The following SNAPC4 variants were observed in gnomAD, a reference collection of about 807,000 sequenced individuals.
The protein encoded by SNAPC4 is snRNA-activating protein complex subunit 4.
In SNAPC4, 127 loss-of-function variants were observed where a neutral mutation model predicts 151.3. The ratio of observed to expected loss-of-function variants is 0.84; its 90% CI spans 0.73 to 0.97. SNAPC4 has a LOEUF of 0.97. Ranked by LOEUF, SNAPC4 falls within the 50% of genes least tolerant of loss-of-function variation. The pLI is 0.00. For missense variants in SNAPC4, 2,186 were observed against 1,935.0 expected (o/e 1.13, Z -2.43); for synonymous variants, 1,002 against 824.4 (o/e 1.22, Z -3.69).
At chr9:136,395,559 G>A (rs11145874) in intron 4 of SNAPC4, 44 bp downstream of exon 4, 649,123 of 1,576,378 alleles carry the variant, frequency 0.41, 135,960 homozygotes, top group Admixed American at 0.52. Flanking sequence ...GGGGGCTCTG[G>A]GGGTGGGGAG....
chr9:136,378,294 G>A lies in SNAPC4; in HGVS notation c.3533C>T (p.Ala1178Val). The A allele has an allele frequency of 6.2e-6, 10 of 1,604,400 alleles. No individual in the cohort carries two copies. The highest frequency in any genetic ancestry group is 1.3e-5 in the African/African-American group (1 of 74,970). ...CTCAGGTATCTCCCTGGCCACCTGG[G>A]CCTCTCCAGGGACAAAGGCCACACT... ...DGSVAFVPGE[A>V]QVAREIPEPR... The change falls in exon 22 of 24, where the codon GCC (alanine) becomes GTC (valine). Residue 1178 changes from alanine to valine, a missense_variant. Ala to Val is a moderately conservative substitution (Grantham distance 64, BLOSUM62 0). Coordinates refer to ENST00000684778, the MANE Select transcript of SNAPC4 (RefSeq NM_003086.4).
intron 20 of SNAPC4, among the ~76,000 whole-genome samples, chr9:136,380,187 T>C (rs928773123): frequency 3.3e-5 from 5 of 151,978 alleles, no homozygotes; most frequent in Middle Eastern, 6.8e-3. Flanking sequence ...TGTCGTGCCC[T>C]GCACAGCAGG....
In SNAPC4 at chr9:136,378,171, C is replaced by G. The variant is rs752433379; in HGVS notation, c.3656G>C (p.Arg1219Thr). ...CCCTGAGGGGGACCCCGGCGTCCCC[C>G]TTGGCTCAGTTGCTGGGATGACACC... ...FGGVIPATEP[R>T]GTPGSPSGTQ... The change falls in exon 22 of 24, where the codon AGG becomes ACG. Residue 1219 changes from arginine (R) to threonine (T), a missense_variant. Physicochemically the swap from Arg to Thr is moderately conservative, Grantham distance 71. Coordinates refer to ENST00000684778, the MANE Select transcript of SNAPC4 (RefSeq NM_003086.4). The G allele has an allele frequency of 3.0e-5, 48 of 1,611,488 alleles. No homozygotes were observed. Among genetic ancestry groups the G allele is most frequent in the Non-Finnish European group, 3.9e-5 (46 of 1,179,636 alleles).
chr9:136,382,578 G>C (rs952679453), intron 16 of SNAPC4, among the ~76,000 whole-genome samples: 1 of 152,210 alleles, frequency 6.6e-6, no homozygotes, highest in Non-Finnish European at 1.5e-5. Context: ...CAGTTCCTCA[G>C]GCTGACAGCA....
chr9:136,379,159 GC>G lies in SNAPC4; in HGVS notation c.2667del (p.Lys889AsnfsTer39), dbSNP rs1236494740. The G allele has an allele frequency of 1.3e-6, 2 of 1,586,912 alleles. No individual in the cohort carries two copies. The highest frequency in any genetic ancestry group is 2.3e-5 in the South Asian group (2 of 88,070). On this transcript the variant is annotated frameshift_variant, in exon 22 of 24. Transcript: ENST00000684778. LOFTEE classifies it high-confidence loss of function. ...TGAAGCAGCTCCGACACAGTCTTGG[GC>G]TTGGGCCGGGGGCCGGTTGAAGCCA... is the stretch of plus-strand genomic sequence containing the variant. ...SLLASTGPRP[K>X]PKTVSELLQE...
chr9:136,384,064 C>T (rs1236677675), intron 14 of SNAPC4, 32 bp from the exon 15 acceptor site: 2 of 1,587,496 alleles, frequency 1.3e-6, no homozygotes, highest in Non-Finnish European at 1.7e-6. Flanking sequence ...GAAATGCCTT[C>T]ATCCAAAGAT....
chr9:136,392,046 TG>T lies in SNAPC4; in HGVS notation c.870del (p.Ser291AlafsTer54). ...CTGCTCCACTCCTGCTTGTTGATGC[TG>T]GGGTGCTCCGAGTTCTGCCAGAACT... ...IRKFWQNSEH[P>X]SINKQEWSRE... On this transcript the variant is annotated frameshift_variant, in exon 10 of 24. Coordinates refer to ENST00000684778, the MANE Select transcript of SNAPC4 (RefSeq NM_003086.4). LOFTEE classifies it high-confidence loss of function. 6.2e-7 allele frequency: 1 copy of T among 1,612,670 alleles called. No homozygotes were observed.
intron 10 of SNAPC4, among the ~76,000 whole-genome samples, chr9:136,389,293 G>A (rs1447421231): frequency 1.3e-5 from 2 of 152,206 alleles, no homozygotes; most frequent in African/African-American, 4.8e-5. Context: ...CACAGGGCTA[G>A]ATATGCTCTG....
At chr9:136,394,913 C>T in intron 5 of SNAPC4, 35 bp from the exon 6 acceptor site, 5 of 1,571,850 alleles carry the variant, frequency 3.2e-6, no homozygotes, top group Non-Finnish European at 4.4e-6. Context: ...CAAGCACAGG[C>T]CACATGTGCT....
chr9:136,387,835 C>T lies in SNAPC4; in HGVS notation c.1137G>A (p.Met379Ile). The change falls in exon 12 of 24, where the codon ATG (methionine) becomes ATA (isoleucine). Residue 379 changes from methionine to isoleucine, a missense_variant. Transcript: ENST00000684778. ...TCAGCTGCATGGAGTCTCTCCCTTCCATATAGTAGACAACTAGGGACAGAG... is the reference window on the plus strand; with the variant it reads ...TCAGCTGCATGGAGTCTCTCCCTTCTATATAGTAGACAACTAGGGACAGAG... ...HIPYRRIVYY[M>I]EGRDSMQLIY... 6.3e-7 allele frequency: 1 copy of T among 1,598,732 alleles called. No individual in the cohort carries two copies. Among genetic ancestry groups the T allele is most frequent in the Non-Finnish European group, 8.6e-7 (1 of 1,166,092 alleles).
In SNAPC4 at chr9:136,381,916, C is replaced by A. The variant is rs767320500; in HGVS notation, c.2225G>T (p.Arg742Leu). 2 of 1,612,962 alleles carry A rather than the reference C, an allele frequency of 1.2e-6. No homozygotes were observed. Among genetic ancestry groups the A allele is most frequent in the Non-Finnish European group, 1.7e-6 (2 of 1,179,978 alleles). The change falls in exon 18 of 24, where the codon CGC becomes CTC. Residue 742 changes from arginine to leucine, a missense_variant. Physicochemically the swap from Arg to Leu is moderately radical, Grantham distance 102. Transcript: ENST00000684778. ...RHALHRRLLN[R>L]RLLLAVTPWV... ...AGGGGTCACAGCCAGCAGCAGCCTG[C>A]GGTTCAGGAGCCTCCGGTGCAGAGC... is the stretch of plus-strand genomic sequence containing the variant.
At chr9:136,398,694 A>G in intron 1 of SNAPC4, 1 of 396,922 alleles carries the variant, frequency 2.5e-6, no homozygotes. Context: ...CTGAGGCTGC[A>G]ACCAGCACAG....
chr9:136,398,333 G>T lies in SNAPC4; in HGVS notation c.96C>A (p.Ile32=). ...AATCTGACTCGAGACTTGATTCTGAGATCTCCACGTGGGAGCCCGAGGAGC... is the reference window on the plus strand; with the variant it reads ...AATCTGACTCGAGACTTGATTCTGATATCTCCACGTGGGAGCCCGAGGAGC... ...DPGSSGSHVE[I]SESSLESDSE... is the part of the protein sequence containing the mutation. The change falls in exon 2 of 24, where the codon ATC becomes ATA. Residue 32 remains isoleucine (I), a synonymous_variant. Transcript: ENST00000684778. 1 of 1,613,852 alleles carries T rather than the reference G, an allele frequency of 6.2e-7. No individual in the cohort carries two copies. The highest frequency in any genetic ancestry group is 8.5e-7 in the Non-Finnish European group (1 of 1,179,824).
Position 136,395,879 on chromosome 9 carries a change from G to A in SNAPC4, c.178-109C>T, listed in dbSNP as rs544876324. On this transcript the variant is annotated intron_variant, in intron 3 of 23. Coordinates refer to ENST00000684778, the MANE Select transcript of SNAPC4 (RefSeq NM_003086.4). Reference sequence around the variant, plus strand: ...CCTCTGGGACACCGAGGCAGCTCTGGCATAGCAACACCCAATGTGGAAGCA... The same window carrying A: ...CCTCTGGGACACCGAGGCAGCTCTGACATAGCAACACCCAATGTGGAAGCA... 16 of 1,094,872 alleles carry A rather than the reference G, an allele frequency of 1.5e-5. No homozygotes were observed. The South Asian group carries it at 1.8e-4, about 12-fold the overall frequency. 67.8% of individuals were successfully genotyped at this position (1,094,872 alleles called of 1,614,324 possible).
intron 20 of SNAPC4, among the ~76,000 whole-genome samples, chr9:136,380,121 C>T (rs1236393886): frequency 6.6e-6 from 1 of 152,192 alleles, no homozygotes; most frequent in Admixed American, 6.5e-5. Context: ...CGCTCTGCAC[C>T]GGAGGCTCCT....
chr9:136,386,596 G>A (rs571016384), intron 13 of SNAPC4, among the ~76,000 whole-genome samples: 8 of 148,648 alleles, frequency 5.4e-5, no homozygotes, highest in African/African-American at 1.7e-4. Flanking sequence ...CACCACGCCC[G>A]GCTAATTTTG....
At position 136,383,794 on chromosome 9, in the gene SNAPC4, G is replaced by T; in HGVS notation, c.1501-126C>A. On this transcript the variant is annotated intron_variant, in intron 15 of 23. Transcript: ENST00000684778. The surrounding 1 kb of genome is among the most constrained non-coding windows in gnomAD (Gnocchi z 4.2). ...GCCTCCGGGGTCAAGAGCAGCCGCT[G>T]CCGAGGCAGGGTCTCCCTTTGCCCT... 1 of 1,376,572 alleles carries T rather than the reference G, an allele frequency of 7.3e-7. No homozygotes were observed. Among genetic ancestry groups the T allele is most frequent in the Non-Finnish European group, 1.0e-6 (1 of 994,666 alleles). The allele number at this position is 1,376,572 out of a possible 1,614,324, so 85.3% of individuals were successfully genotyped here.
At chr9:136,395,202 A>G in intron 5 of SNAPC4, 96 bp downstream of exon 5, 1 of 1,456,860 alleles carries the variant, frequency 6.9e-7, no homozygotes, top group South Asian at 1.3e-5. Flanking sequence ...TCTTGAACTC[A>G]CAGGAATTCA....
At chr9:136,390,156 C>A (rs922269985) in intron 10 of SNAPC4, among the ~76,000 whole-genome samples, 1 of 152,154 alleles carries the variant, frequency 6.6e-6, no homozygotes. Flanking sequence ...GGAACACCCA[C>A]CCTCCCACAA....
Sources: gnomAD v4.1 joint callset for allele counts (sites outside exome capture counted in the v4.1 genomes callset) on GRCh38, gnomAD v4.1.1 for gene constraint, Gnocchi (gnomAD v3.1) non-coding constraint, MANE v1.5 for transcripts, NCBI Gene and HGNC (gene_info 2026-07-23, HGNC 2026-07-21) for gene names.